Variants in PLOD1 observed in about 807,000 individuals in gnomAD.
PLOD1 encodes procollagen-lysine,2-oxoglutarate 5-dioxygenase 1, also known as lysine hydroxylase.
A neutral mutation model predicts 94.7 loss-of-function variants in PLOD1; 70 were observed. That is an observed-to-expected ratio of 0.74 (90% CI 0.61 to 0.90). The LOEUF is 0.90. Among genes scored for constraint, PLOD1 ranks in the 40% least tolerant of loss-of-function variants. The pLI, the probability that PLOD1 is intolerant of heterozygous loss-of-function variation, is 0.00. For missense variants in PLOD1, 905 were observed against 972.7 expected, an observed-to-expected ratio of 0.93 and a Z score of 0.93; for synonymous variants, 417 against 400.2, an observed-to-expected ratio of 1.04 and a Z score of -0.50.
At chr1:11,939,973 C>T (rs1025244147) in intron 1 of PLOD1, among the ~76,000 whole-genome samples, 11 of 151,866 alleles carry the variant, frequency 7.2e-5, no homozygotes, top group African/African-American at 2.2e-4. Context: ...TGTGTTGCCC[C>T]GGCTGGTCTT....
intron 1 of PLOD1, among the ~76,000 whole-genome samples, chr1:11,942,546 G>A (rs1645622213): frequency 6.6e-6 from 1 of 152,202 alleles, no homozygotes; most frequent in South Asian, 2.1e-4. Context: ...GGGAAGGAAT[G>A]TGTGTTGCAG....
At chr1:11,962,278 T>TTC (rs1553135785) in intron 10 of PLOD1, among the ~76,000 whole-genome samples, 8 of 130,454 alleles carry the variant, frequency 6.1e-5, no homozygotes, top group African/African-American at 2.3e-4. Context: ...TGTTTTCTTT[T>TTC]TTTTTTTTTT....
At chr1:11,945,518 T>C (rs1645647146) in intron 1 of PLOD1, among the ~76,000 whole-genome samples, 1 of 151,502 alleles carries the variant, frequency 6.6e-6, no homozygotes, top group South Asian at 2.1e-4. Flanking sequence ...GGAGGTCCCT[T>C]GCATGGTCCC....
Position 11,959,220 on chromosome 1 carries a change from T to A in PLOD1, c.975+573T>A, listed in dbSNP as rs546559949. 9.2e-5 allele frequency among the ~76,000 whole-genome samples: 14 copies of A among 151,420 alleles called. No homozygotes were observed. The South Asian group carries it at 2.5e-3, about 27-fold the overall frequency. ...AACTCCGTCTCAAAAAAAATAAAAA[T>A]AAATAAATAAATAAATAAAATAAAA... is the stretch of plus-strand genomic sequence containing the variant. On this transcript the variant is annotated intron_variant, in intron 9 of 18. Coordinates refer to ENST00000196061, the MANE Select transcript of PLOD1 (RefSeq NM_000302.4).
At chr1:11,960,386 G>C (rs967531976) in intron 9 of PLOD1, among the ~76,000 whole-genome samples, 1 of 152,220 alleles carries the variant, frequency 6.6e-6, no homozygotes, top group Admixed American at 6.5e-5. Flanking sequence ...TCCTGAGCGT[G>C]GTGGCGGAGC....
At chr1:11,960,008 C>A (rs193273040) in intron 9 of PLOD1, among the ~76,000 whole-genome samples, 3 of 145,558 alleles carry the variant, frequency 2.1e-5, no homozygotes, top group Admixed American at 6.7e-5. Flanking sequence ...TGGCTCACTG[C>A]AACCTCCGCC....
At chr1:11,965,731 G>T in intron 14 of PLOD1, 138 bp downstream of exon 14, 1 of 635,672 alleles carries the variant, frequency 1.6e-6, no homozygotes, top group Non-Finnish European at 2.8e-6. Context: ...ACCCCAGGAG[G>T]CTATAGGGCA....
At position 11,960,632 on chromosome 1, in the gene PLOD1, AT is replaced by A; in HGVS notation, c.976-13del. 1 of 1,335,368 alleles carries A rather than the reference AT, an allele frequency of 7.5e-7. No individual in the cohort carries two copies. Among genetic ancestry groups the A allele is most frequent in the Non-Finnish European group, 1.1e-6 (1 of 938,522 alleles). 82.7% of individuals were successfully genotyped at this position (1,335,368 alleles called of 1,614,324 possible). A position where few individuals can be genotyped will look rare whatever the true frequency, so the allele number is the denominator to read the frequency against. ...TCCTCACCCCCGCATCCCCTTCCCC[AT>A]CCCCAACCCCAGGAGCAGCACCACA... On this transcript the variant is annotated splice_polypyrimidine_tract_variant and intron_variant, in intron 9 of 18. Coordinates refer to ENST00000196061, the MANE Select transcript of PLOD1 (RefSeq NM_000302.4).
chr1:11,943,283 C>T (rs968337042), intron 1 of PLOD1, among the ~76,000 whole-genome samples: 4 of 143,442 alleles, frequency 2.8e-5, no homozygotes, highest in Admixed American at 6.7e-5. Flanking sequence ...CCACCGTGCC[C>T]GGCTTTTTTT....
At chr1:11,941,591 T>C (rs1454382938) in intron 1 of PLOD1, among the ~76,000 whole-genome samples, 1 of 152,052 alleles carries the variant, frequency 6.6e-6, no homozygotes, top group African/African-American at 2.4e-5. Context: ...GCAATTCTCC[T>C]ATCTCAGCCT....
At position 11,952,713 on chromosome 1, in the gene PLOD1, T is replaced by A; in HGVS notation, c.557T>A (p.Ile186Asn). 6.2e-7 allele frequency: 1 copy of A among 1,612,700 alleles called. No homozygotes were observed. Among genetic ancestry groups the A allele is most frequent in the Non-Finnish European group, 8.5e-7 (1 of 1,178,776 alleles). Reference protein sequence around the residue: ...SDSDQLFYTKIFLDPEKREQI... With the variant: ...SDSDQLFYTKNFLDPEKREQI... Reference sequence around the variant, plus strand: ...AGCGATCAGCTGTTTTACACCAAGATCTTCTTGGACCCGGAGAAGAGGGTA... The same window carrying A: ...AGCGATCAGCTGTTTTACACCAAGAACTTCTTGGACCCGGAGAAGAGGGTA... The change falls in exon 5 of 19, where the codon ATC (isoleucine) becomes AAC (asparagine). Residue 186 changes from isoleucine (I) to asparagine (N), a missense_variant. Ile to Asn is a moderately radical substitution (Grantham distance 149, BLOSUM62 -3). Transcript: ENST00000196061.
Position 11,950,503 on chromosome 1 carries a change from G to A in PLOD1, c.449G>A (p.Arg150Lys), listed in dbSNP as rs753061220. ...TKYPVVSDGK[R>K]FLGSGGFIGY... is the part of the protein sequence containing the mutation. ...TATCCGGTGGTGTCCGATGGCAAGAGGTTCCTGGGCTCTGGAGGTGAGAGG... is the reference window on the plus strand; with the variant it reads ...TATCCGGTGGTGTCCGATGGCAAGAAGTTCCTGGGCTCTGGAGGTGAGAGG... The change falls in exon 4 of 19, where the codon AGG (arginine) becomes AAG (lysine). Residue 150 changes from arginine (R) to lysine (K), a missense_variant. Arg to Lys is a conservative substitution (Grantham distance 26, BLOSUM62 2). Coordinates refer to ENST00000196061, the MANE Select transcript of PLOD1 (RefSeq NM_000302.4). 1.2e-6 allele frequency: 2 copies of A among 1,614,028 alleles called. No individual in the cohort carries two copies. Among genetic ancestry groups the A allele is most frequent in the Non-Finnish European group, 1.7e-6 (2 of 1,179,992 alleles).
rs991974674 is a variant in PLOD1, at chr1:11,958,383, C to T, written c.844-133C>T. On this transcript the variant is annotated intron_variant, in intron 8 of 18. Coordinates refer to ENST00000196061, the MANE Select transcript of PLOD1 (RefSeq NM_000302.4). This position sits in a 1 kb window ranked among gnomAD's most constrained non-coding sequence, Gnocchi z 4.3. ...CCCGTACCCCCTGACTGGAGTTCCC[C>T]GGCCCGGGCACCTTTCTTGGGAAGT... 50 of 1,053,442 alleles carry T rather than the reference C, an allele frequency of 4.7e-5. No homozygotes were observed. The Admixed American group carries it at 5.6e-4, about 12-fold the overall frequency. 65.3% of individuals were successfully genotyped at this position (1,053,442 alleles called of 1,614,324 possible).
chr1:11,953,228 G>A (rs1389929395), intron 5 of PLOD1, among the ~76,000 whole-genome samples: 1 of 151,790 alleles, frequency 6.6e-6, no homozygotes, highest in Admixed American at 6.6e-5. Context: ...GCTGATTTTT[G>A]TATTTTTAGT....
At chr1:11,974,518 T>C in intron 18 of PLOD1, 135 bp from the exon 19 acceptor site, 1 of 832,736 alleles carries the variant, frequency 1.2e-6, no homozygotes, top group South Asian at 1.4e-5. Flanking sequence ...TAGCAGCGCT[T>C]GTGGCTGTCA....
intron 1 of PLOD1, among the ~76,000 whole-genome samples, chr1:11,942,140 G>A (rs1007485343): frequency 1.3e-5 from 2 of 151,562 alleles, no homozygotes; most frequent in African/African-American, 2.4e-5. Flanking sequence ...TTGCCACCAC[G>A]TCTAGCTAAT....
chr1:11,958,455 G>A lies in PLOD1; in HGVS notation c.844-61G>A, dbSNP rs1420769326. ...TCTGACTCCCTTGGGCCACCCTGGG[G>A]TGGAGTGGCAGTGCTGTGACTGGAC... On this transcript the variant is annotated intron_variant, in intron 8 of 18. Transcript: ENST00000196061. The surrounding 1 kb of genome is among the most constrained non-coding windows in gnomAD (Gnocchi z 4.3). 14 of 1,591,732 alleles carry A rather than the reference G, an allele frequency of 8.8e-6. No individual in the cohort carries two copies. The highest frequency in any genetic ancestry group is 1.7e-4 in the Middle Eastern group (1 of 6,012).
At chr1:11,946,523 CTG>C (rs1173919731) in intron 1 of PLOD1, among the ~76,000 whole-genome samples, 1 of 152,204 alleles carries the variant, frequency 6.6e-6, no homozygotes, top group African/African-American at 2.4e-5. Flanking sequence ...GCAAGAAAGA[CTG>C]TGAGATAGAT....
At position 11,965,569 on chromosome 1, in the gene PLOD1, C is replaced by T. The variant is rs543980683; in HGVS notation, c.1560C>T (p.Leu520=). 16 of 1,612,870 alleles carry T rather than the reference C, an allele frequency of 9.9e-6. No individual in the cohort carries two copies. The highest frequency in any genetic ancestry group is 1.7e-4 in the Middle Eastern group (1 of 6,060). Residue 520 remains leucine (L), a synonymous_variant, in exon 14 of 19, where the codon CTC becomes CTT. Transcript: ENST00000196061. ...SYRTTHLHND[L]WEVFSNPEDW... ...GCACCACCCACCTGCACAACGACCTCTGGGAGGTGTTCAGCAACCCCGAGG... is the reference window on the plus strand; with the variant it reads ...GCACCACCCACCTGCACAACGACCTTTGGGAGGTGTTCAGCAACCCCGAGG...
Sources: gnomAD v4.1 joint callset for allele counts (sites outside exome capture counted in the v4.1 genomes callset) on GRCh38, gnomAD v4.1.1 for gene constraint, Gnocchi (gnomAD v3.1) non-coding constraint, MANE v1.5 for transcripts, NCBI Gene and HGNC (gene_info 2026-07-23, HGNC 2026-07-21) for gene names.